The following SLCO1B1 variants were observed in gnomAD, a reference collection of about 807,000 sequenced individuals.
The protein encoded by SLCO1B1 is solute carrier organic anion transporter family member 1B1.
SLCO1B1 carries 81 observed loss-of-function variants against 70.1 expected under a neutral mutation model. The ratio of observed to expected loss-of-function variants is 1.16; its 90% CI spans 0.97 to 1.39. The LOEUF is 1.39. SLCO1B1 is among the 40% of genes most tolerant of loss of function. SLCO1B1 has a pLI of 0.00. For missense variants in SLCO1B1, 895 were observed against 799.6 expected (o/e 1.12, Z -1.44); for synonymous variants, 283 against 271.5 (o/e 1.04, Z -0.42).
At chr12:21,198,285 A>T (rs1055622780) in intron 8 of SLCO1B1, among the ~76,000 whole-genome samples, 6 of 152,080 alleles carry the variant, frequency 3.9e-5, no homozygotes, top group Admixed American at 1.3e-4. Flanking sequence ...AATTACCATG[A>T]TTTATTACCA....
rs547126244 is a variant in SLCO1B1 at position 21,140,771 on chromosome 12, T to C, written c.-61-743T>C. 5.1e-4 allele frequency among the ~76,000 whole-genome samples: 78 copies of C among 152,164 alleles called. 1 individual carries two copies. The Middle Eastern group carries it at 0.017, about 33-fold the overall frequency. ...TTGCATTGAAAAGGAAAATATTATG[T>C]ACTTAATGAAAAATCCATATTATAT... On this transcript the variant is annotated intron_variant, in intron 1 of 14. Transcript: ENST00000256958.
At position 21,185,632 on chromosome 12, in the gene SLCO1B1, A is replaced by G. The variant is rs77142740; in HGVS notation, c.727+6612A>G. 1.9e-3 allele frequency among the ~76,000 whole-genome samples: 293 copies of G among 152,206 alleles called. 7 individuals are homozygous for G. In the East Asian group the frequency reaches 0.046, roughly 24 times the overall value. On this transcript the variant is annotated intron_variant, in intron 7 of 14. Transcript: ENST00000256958. ...TTTACAATGCTAAAGGCCTTCATCA[A>G]GAAGGCAGAGAGATTTCAAATTAAC...
At chr12:21,147,554 T>TA (rs1462670685) in intron 2 of SLCO1B1, among the ~76,000 whole-genome samples, 1 of 152,178 alleles carries the variant, frequency 6.6e-6, no homozygotes, top group East Asian at 1.9e-4. Flanking sequence ...GCTCCTATGT[T>TA]AGTTTACTGA....
At chr12:21,208,367 C>A (rs1254546672) in intron 11 of SLCO1B1, among the ~76,000 whole-genome samples, 1 of 152,092 alleles carries the variant, frequency 6.6e-6, no homozygotes, top group Non-Finnish European at 1.5e-5. Context: ...TATTCCAGCA[C>A]CATTTACTGA....
chr12:21,197,149 T>C lies in SLCO1B1; in HGVS notation c.931T>C (p.Leu311=), dbSNP rs1312393659. 1 of 1,613,514 alleles carries C rather than the reference T, an allele frequency of 6.2e-7. No individual in the cohort carries two copies. Among genetic ancestry groups the C allele is most frequent in the Non-Finnish European group, 8.5e-7 (1 of 1,179,598 alleles). Residue 311 remains leucine (L), a synonymous_variant, in exon 8 of 15, where the codon TTG becomes CTG. Coordinates refer to ENST00000256958, the MANE Select transcript of SLCO1B1 (RefSeq NM_006446.5). ...TNDEKDQTAN[L]TNQGKNITKN... ...TGATGAAAAGGATCAAACAGCTAAT[T>C]TGACCAATCAAGGAAAAAATATTAC... is the stretch of plus-strand genomic sequence containing the variant.
chr12:21,169,142 T>G (rs1055408750), intron 2 of SLCO1B1, among the ~76,000 whole-genome samples: 1 of 152,186 alleles, frequency 6.6e-6, no homozygotes, highest in African/African-American at 2.4e-5. Context: ...ACTAAATGAA[T>G]GGTGTTTTGC....
intron 1 of SLCO1B1, among the ~76,000 whole-genome samples, chr12:21,137,454 T>C (rs1353265527): frequency 1.3e-5 from 2 of 152,162 alleles, no homozygotes; most frequent in Non-Finnish European, 2.9e-5. Context: ...GGCAGGCAGG[T>C]GTCCTTGAGC....
chr12:21,209,840 G>A (rs1358506711), intron 11 of SLCO1B1, among the ~76,000 whole-genome samples: 2 of 151,848 alleles, frequency 1.3e-5, no homozygotes, highest in Non-Finnish European at 2.9e-5. Flanking sequence ...TGTGTTTTTT[G>A]GCTGCATAAG....
chr12:21,214,782 C>T (rs1941337795), intron 11 of SLCO1B1, among the ~76,000 whole-genome samples: 1 of 152,158 alleles, frequency 6.6e-6, no homozygotes, highest in Admixed American at 6.5e-5. Flanking sequence ...GTTTTTTAAG[C>T]CCCTCGGAAA....
chr12:21,152,616 G>A (rs944400847), intron 2 of SLCO1B1, among the ~76,000 whole-genome samples: 2 of 118,230 alleles, frequency 1.7e-5, no homozygotes, highest in Non-Finnish European at 3.5e-5. Context: ...GTCAGAATGG[G>A]TTTGGTAGAG....
At chr12:21,148,175 G>A (rs1319044602) in intron 2 of SLCO1B1, among the ~76,000 whole-genome samples, 1 of 152,154 alleles carries the variant, frequency 6.6e-6, no homozygotes, top group Non-Finnish European at 1.5e-5. Flanking sequence ...TCACTCTGAT[G>A]ATAGTTTCTT....
At chr12:21,183,994 C>T (rs12303159) in intron 7 of SLCO1B1, among the ~76,000 whole-genome samples, 4 of 151,694 alleles carry the variant, frequency 2.6e-5, no homozygotes, top group Admixed American at 2.6e-4. Context: ...AGAAAAGAAT[C>T]TCAGAGCTTA....
At chr12:21,214,604 C>T (rs915045803) in intron 11 of SLCO1B1, among the ~76,000 whole-genome samples, 5 of 133,850 alleles carry the variant, frequency 3.7e-5, no homozygotes, top group Non-Finnish European at 6.7e-5. Flanking sequence ...TTCGAGCTTC[C>T]AGGCCGCTTT....
chr12:21,187,754 G>C (rs985188273), intron 7 of SLCO1B1, among the ~76,000 whole-genome samples: 2 of 152,094 alleles, frequency 1.3e-5, no homozygotes, highest in African/African-American at 4.8e-5. Flanking sequence ...TAAATTCATA[G>C]GATTAACAAC....
chr12:21,214,988 G>A (rs964199070), intron 11 of SLCO1B1, among the ~76,000 whole-genome samples: 5 of 152,000 alleles, frequency 3.3e-5, no homozygotes, highest in Non-Finnish European at 5.9e-5. Context: ...AGATGAACCC[G>A]GTACCTCAGA....
At chr12:21,152,532 G>GTTTTTTTTTTTTTTTTTTTTT (rs1321105425) in intron 2 of SLCO1B1, among the ~76,000 whole-genome samples, 1 of 7,918 alleles carries the variant, frequency 1.3e-4, no homozygotes, top group African/African-American at 2.0e-4. Flanking sequence ...GAGAGGAGAG[G>GTTTTTTTTTTTTTTTTTTTTT]CTTTTTTTTT....
intron 13 of SLCO1B1, 55 bp downstream of exon 13, chr12:21,222,419 TATATATATAC>T (rs139359833): frequency 0.026 from 4,450 of 169,256 alleles, 235 homozygotes; most frequent in South Asian, 0.078. Context: ...TATATATATA[TATATATATAC>T]ACACACACAT....
chr12:21,172,775 C>T lies in SLCO1B1; in HGVS notation c.210C>T (p.Asp70=), dbSNP rs148697674. 1.1e-4 allele frequency: 171 copies of T among 1,612,860 alleles called. No homozygotes were observed. In the Middle Eastern group the frequency reaches 1.2e-3, roughly 11 times the overall value. ...EISSSLVGFI[D]GSFEIGNLLV... ...CCTCTTCTCTTGTTGGTTTTATTGACGGAAGCTTTGAAATTGGTAACATTT... is the reference window on the plus strand; with the variant it reads ...CCTCTTCTCTTGTTGGTTTTATTGATGGAAGCTTTGAAATTGGTAACATTT... The change falls in exon 3 of 15, where the codon GAC becomes GAT. Residue 70 remains aspartate (D), a synonymous_variant. Coordinates refer to ENST00000256958, the MANE Select transcript of SLCO1B1 (RefSeq NM_006446.5).
chr12:21,212,566 G>T (rs1397231580), intron 11 of SLCO1B1, among the ~76,000 whole-genome samples: 2 of 118,872 alleles, frequency 1.7e-5, no homozygotes. Flanking sequence ...GAGTTCTGTA[G>T]ATGTCTATTA....
Sources: gnomAD v4.1 joint callset for allele counts (sites outside exome capture counted in the v4.1 genomes callset) on GRCh38, gnomAD v4.1.1 for gene constraint, MANE v1.5 for transcripts, NCBI Gene and HGNC (gene_info 2026-07-23, HGNC 2026-07-21) for gene names.